ZNF683: variants seen among roughly 807,000 people sequenced by gnomAD.
ZNF683 encodes the protein zinc finger protein 683.
ZNF683 carries 20 observed loss-of-function variants against 31.4 expected under a neutral mutation model. The ratio of observed to expected loss-of-function variants is 0.64; its 90% CI spans 0.45 to 0.93. ZNF683 has a LOEUF of 0.93. ZNF683 is among the 40% of genes least tolerant of loss of function. The pLI is 0.00. For missense variants in ZNF683, 621 were observed against 637.2 expected (o/e 0.97, Z 0.27); for synonymous variants, 264 against 267.6 (o/e 0.99, Z 0.13).
rs770112589 is a variant in ZNF683, at chr1:26,363,058, C to T, written c.1111G>A (p.Val371Met). The T allele has an allele frequency of 9.3e-6, 15 of 1,612,150 alleles. No homozygotes were observed. Among genetic ancestry groups the T allele is most frequent in the Non-Finnish European group, 1.3e-5 (15 of 1,179,184 alleles). ...QLAHLQKHHL[V>M]HTGERPHKCS... ...TTGTGGGGCCGCTCCCCAGTGTGCA[C>T]CAGGTGGTGCTTCTGCAGGTGGGCA... Residue 371 changes from valine (V) to methionine (M), a missense_variant, in exon 5 of 6, where the codon GTG becomes ATG. Transcript: ENST00000349618.
Position 26,364,656 on chromosome 1 carries a change from C to T in ZNF683, c.890G>A (p.Arg297Gln), listed in dbSNP as rs779482580. ...GCCTGTCTGGGAACTCAATGGGACC[C>T]GCTTTGCTGGAGATGCCATGCCACC... ...ERGGMASPAKRVPLSSQTGTA... is the reference protein window; with the variant it reads ...ERGGMASPAKQVPLSSQTGTA... The change falls in exon 4 of 6, where the codon CGG becomes CAG. Residue 297 changes from arginine (R) to glutamine (Q), a missense_variant. Transcript: ENST00000349618. 47 of 1,613,900 alleles carry T rather than the reference C, an allele frequency of 2.9e-5. No homozygotes were observed. Among genetic ancestry groups the T allele is most frequent in the Admixed American group, 8.3e-5 (5 of 60,000 alleles).
At position 26,363,014 on chromosome 1, in the gene ZNF683, G is replaced by A. The variant is rs1234218802; in HGVS notation, c.1143+12C>T. 3.1e-6 allele frequency: 5 copies of A among 1,604,906 alleles called. No homozygotes were observed. In the East Asian group the frequency reaches 1.1e-4, roughly 36 times the overall value. ...CCTATAGGAGTACATAGTAGGGGGA[G>A]AAGGATCTCACCGAGCACTTGTGGG... On this transcript the variant is annotated intron_variant, in intron 5 of 5. Transcript: ENST00000349618.
At chr1:26,368,369 T>C in intron 2 of ZNF683, 89 bp downstream of exon 2, 1 of 1,416,964 alleles carries the variant, frequency 7.1e-7, no homozygotes, top group East Asian at 2.6e-5. Context: ...GAGATCTAGG[T>C]CCCTTCAGAC....
intron 4 of ZNF683, 60 bp downstream of exon 4, chr1:26,364,472 G>T: frequency 6.3e-7 from 1 of 1,585,820 alleles, no homozygotes; most frequent in South Asian, 1.1e-5. Context: ...AAGCAGACTC[G>T]GGTGCATGGG....
chr1:26,373,257 A>T (rs2074706007), upstream of ZNF683: 1 of 152,476 alleles, frequency 6.6e-6, no homozygotes, highest in Admixed American at 6.5e-5. Flanking sequence ...GTGTGGTGGC[A>T]CGTGCCTGTA....
rs2124104604 is a variant in ZNF683, at chr1:26,361,872, G to A, written c.1294C>T (p.Pro432Ser). The change falls in exon 6 of 6, where the codon CCC (proline) becomes TCC (serine). Residue 432 changes from proline to serine, a missense_variant. By Grantham distance (74) the Pro-to-Ser change is moderately conservative (BLOSUM62 -1). Coordinates refer to ENST00000349618, the MANE Select transcript of ZNF683 (RefSeq NM_001114759.3). Reference sequence around the variant, plus strand: ...AGCTGGGTGTGCACCAGGCCACAGGGCTGTGGGGCATGCAGCCGATGGTGC... The same window carrying A: ...AGCTGGGTGTGCACCAGGCCACAGGACTGTGGGGCATGCAGCCGATGGTGC... ...KLHHRLHAPQ[P>S]CGLVHTQLPL... 6.2e-7 allele frequency: 1 copy of A among 1,614,036 alleles called. No homozygotes were observed. Among genetic ancestry groups the A allele is most frequent in the Non-Finnish European group, 8.5e-7 (1 of 1,179,908 alleles).
Position 26,361,725 on chromosome 1 carries a change from G to C in ZNF683, c.1441C>G (p.Gln481Glu). ...IDEVKVSSTS[Q>E]GKARAVSLSS... ...AGGCTCACTGCTCTTGCTTTCCCCTGGGATGTCGAGGACACTTTGACCTCA... is the reference window on the plus strand; with the variant it reads ...AGGCTCACTGCTCTTGCTTTCCCCTCGGATGTCGAGGACACTTTGACCTCA... The change falls in exon 6 of 6, where the codon CAG becomes GAG. Residue 481 changes from glutamine (Q) to glutamate (E), a missense_variant. By Grantham distance (29) the Gln-to-Glu change is conservative (BLOSUM62 2). Coordinates refer to ENST00000349618, the MANE Select transcript of ZNF683 (RefSeq NM_001114759.3). The C allele has an allele frequency of 6.2e-7, 1 of 1,614,044 alleles. No individual in the cohort carries two copies. The highest frequency in any genetic ancestry group is 8.5e-7 in the Non-Finnish European group (1 of 1,179,898).
intron 3 of ZNF683, among the ~76,000 whole-genome samples, chr1:26,367,325 C>T (rs536048163): frequency 6.6e-6 from 1 of 152,074 alleles, no homozygotes; most frequent in African/African-American, 2.4e-5. Flanking sequence ...ATCCCCAACC[C>T]CCATGACCTT....
chr1:26,362,078 T>C, intron 5 of ZNF683, 56 bp from the exon 6 acceptor site: 1 of 1,614,020 alleles, frequency 6.2e-7, no homozygotes, highest in Non-Finnish European at 8.5e-7. Context: ...TCAGGCATTC[T>C]ACTCCCTCTC....
chr1:26,367,897 A>G (rs2074569244), intron 2 of ZNF683, 100 bp from the exon 3 acceptor site: 7 of 839,758 alleles, frequency 8.3e-6, no homozygotes, highest in Non-Finnish European at 1.3e-5. Context: ...GGGGAGAATA[A>G]GCTAAAACAG....
At position 26,367,581 on chromosome 1, in the gene ZNF683, C is replaced by T; in HGVS notation, c.319+12G>A. The T allele has an allele frequency of 6.3e-7, 1 of 1,576,532 alleles. No individual in the cohort carries two copies. The highest frequency in any genetic ancestry group is 8.6e-7 in the Non-Finnish European group (1 of 1,162,134). ...TGCCAGGCGCAGGTGCAGCCCGGTGCCCTGGGCTTACTCATGCTCAAGGCG... is the reference window on the plus strand; with the variant it reads ...TGCCAGGCGCAGGTGCAGCCCGGTGTCCTGGGCTTACTCATGCTCAAGGCG... On this transcript the variant is annotated intron_variant, in intron 3 of 5. Transcript: ENST00000349618.
At position 26,362,047 on chromosome 1, in the gene ZNF683, A is replaced by T. The variant is rs553942125; in HGVS notation, c.1144-25T>A. 12 of 1,613,992 alleles carry T rather than the reference A, an allele frequency of 7.4e-6. No individual in the cohort carries two copies. The African/African-American group carries it at 1.6e-4, about 22-fold the overall frequency. On this transcript the variant is annotated intron_variant, in intron 5 of 5. Transcript: ENST00000349618. ...CCTGACGGGAACGAGCACTGGCATC[A>T]GCTTTGTCCTCTGGGCTGGCTCAGG...
At position 26,365,113 on chromosome 1, in the gene ZNF683, C is replaced by T. The variant is rs778814906; in HGVS notation, c.433G>A (p.Ala145Thr). Residue 145 changes from alanine to threonine, a missense_variant, in exon 4 of 6, where the codon GCC becomes ACC. Transcript: ENST00000349618. ...GKQPERAGEG[A>T]PCPAFSSHNS... ...TGAGAGGAGAAGGCTGGGCAGGGGGCCCCCTCGCCAGCTCTTTCTGGCTGT... is the reference window on the plus strand; with the variant it reads ...TGAGAGGAGAAGGCTGGGCAGGGGGTCCCCTCGCCAGCTCTTTCTGGCTGT... The T allele has an allele frequency of 2.5e-6, 4 of 1,606,262 alleles. No homozygotes were observed. The highest frequency in any genetic ancestry group is 2.6e-6 in the Non-Finnish European group (3 of 1,176,414).
rs1312389996 is a variant in ZNF683, at chr1:26,361,917, G to A, written c.1249C>T (p.Gln417Ter). ...QCSVCRSRFTQHIHLKLHHRL... is the reference protein window; with the variant it reads ...QCSVCRSRFT ...TGGTGCAGCTTCAGGTGGATGTGCT[G>A]GGTGAAGCGACTCCGGCAGACACTG... The change falls in exon 6 of 6, where the codon CAG (glutamine) becomes TAG (stop). Residue 417 changes from glutamine (Q) to a stop codon, truncating the protein, a stop_gained. Coordinates refer to ENST00000349618, the MANE Select transcript of ZNF683 (RefSeq NM_001114759.3). LOFTEE classifies it low-confidence loss of function (END_TRUNC). 1 of 1,614,016 alleles carries A rather than the reference G, an allele frequency of 6.2e-7. No homozygotes were observed. Among genetic ancestry groups the A allele is most frequent in the Non-Finnish European group, 8.5e-7 (1 of 1,179,896 alleles).
chr1:26,374,113 C>A (rs139602083), upstream of ZNF683, among the ~76,000 whole-genome samples: 1 of 151,928 alleles, frequency 6.6e-6, no homozygotes, highest in African/African-American at 2.4e-5. Context: ...TATCCTTCAG[C>A]GTAATGGAGG....
chr1:26,363,350 C>T (rs142921000), intron 4 of ZNF683, among the ~76,000 whole-genome samples, 196 bp from the exon 5 acceptor site: 4 of 152,302 alleles, frequency 2.6e-5, no homozygotes, highest in Non-Finnish European at 5.9e-5. Flanking sequence ...GTAAGAGGTA[C>T]CCCAGGTATA....
chr1:26,370,301 C>T (rs1056088862), intron 1 of ZNF683, among the ~76,000 whole-genome samples: 2 of 152,094 alleles, frequency 1.3e-5, no homozygotes, highest in African/African-American at 4.8e-5. Flanking sequence ...CCCAGCTCAG[C>T]GCTCTCACCA....
Position 26,361,825 on chromosome 1 carries a change from G to A in ZNF683, c.1341C>T (p.Cys447=). ...GTGCCCCCTGGTGCCATTGGGCAAGGCAGGCCAGAGAGGCCAGGGGCAGCT... is the reference window on the plus strand; with the variant it reads ...GTGCCCCCTGGTGCCATTGGGCAAGACAGGCCAGAGAGGCCAGGGGCAGCT... ...HTQLPLASLA[C]LAQWHQGALD... The change falls in exon 6 of 6, where the codon TGC becomes TGT. Residue 447 remains cysteine (C), a synonymous_variant. Transcript: ENST00000349618. 1 of 1,614,064 alleles carries A rather than the reference G, an allele frequency of 6.2e-7. No homozygotes were observed. Among genetic ancestry groups the A allele is most frequent in the Non-Finnish European group, 8.5e-7 (1 of 1,179,906 alleles).
At position 26,370,276 on chromosome 1, in the gene ZNF683, G is replaced by A. The variant is rs112124531; in HGVS notation, c.-14-1691C>T. On this transcript the variant is annotated intron_variant, in intron 1 of 5. Coordinates refer to ENST00000349618, the MANE Select transcript of ZNF683 (RefSeq NM_001114759.3). ...GGACAGCTGAGGACACCTCAGTGTCGTGTCACCCAGGCTGCCCAGCTCAGC... is the reference window on the plus strand; with the variant it reads ...GGACAGCTGAGGACACCTCAGTGTCATGTCACCCAGGCTGCCCAGCTCAGC... 5.9e-3 allele frequency among the ~76,000 whole-genome samples: 898 copies of A among 152,196 alleles called. 2 individuals carry two copies. The highest frequency in any genetic ancestry group is 0.02 in the African/African-American group (844 of 41,516).
Sources: gnomAD v4.1 joint callset for allele counts (sites outside exome capture counted in the v4.1 genomes callset) on GRCh38, gnomAD v4.1.1 for gene constraint, MANE v1.5 for transcripts, NCBI Gene and HGNC (gene_info 2026-07-23, HGNC 2026-07-21) for gene names.